Variants in JMJD1C observed in about 807,000 individuals in gnomAD.
The protein encoded by JMJD1C is jumonji domain-containing protein 1C.
A neutral mutation model predicts 245.3 loss-of-function variants in JMJD1C; 31 were observed. The ratio of observed to expected loss-of-function variants is 0.13; its 90% CI spans 0.09 to 0.17. JMJD1C has a LOEUF of 0.17. Among genes scored for constraint, JMJD1C ranks in the 10% least tolerant of loss-of-function variants. The probability of loss-of-function intolerance (pLI) is 1.00; values close to 1 mark genes in which losing one functional copy is unlikely to be tolerated. For missense variants in JMJD1C, 2,691 were observed against 3,000.2 expected (o/e 0.90, Z 2.41); for synonymous variants, 1,057 against 1,017.4 (o/e 1.04, Z -0.74).
At position 63,215,041 on chromosome 10, in the gene JMJD1C, A is replaced by G. The variant is rs766710735; in HGVS notation, c.1126T>C (p.Ser376Pro). 3 of 1,608,078 alleles carry G rather than the reference A, an allele frequency of 1.9e-6. No individual in the cohort carries two copies. Among genetic ancestry groups the G allele is most frequent in the Admixed American group, 3.4e-5 (2 of 59,548 alleles). Residue 376 changes from serine (S) to proline (P), a missense_variant, in exon 8 of 26, where the codon TCT (serine) becomes CCT (proline). Physicochemically the swap from Ser to Pro is moderately conservative, Grantham distance 74. Transcript: ENST00000399262. ...GAATTTTCTGAGTCACTGCTCTCAG[A>G]AAAGTCTGAAACATTGTCAGTTCGA... Reference protein sequence around the residue: ...RLRTDNVSDFSESSDSENSNK... With the variant: ...RLRTDNVSDFPESSDSENSNK...
intron 3 of JMJD1C, among the ~76,000 whole-genome samples, chr10:63,256,267 C>T (rs1224191448): frequency 2.6e-5 from 4 of 152,130 alleles, no homozygotes; most frequent in African/African-American, 7.2e-5. Flanking sequence ...AGTTTCGCAA[C>T]CAATTTTTAC....
At chr10:63,499,284 G>A (rs1417792545) in intron 1 of JMJD1C, among the ~76,000 whole-genome samples, 3 of 152,124 alleles carry the variant, frequency 2.0e-5, no homozygotes, top group African/African-American at 7.2e-5. Flanking sequence ...ATTCTCTGAG[G>A]AACCTTCATA....
chr10:63,450,722 G>A (rs1042633064), intron 1 of JMJD1C, among the ~76,000 whole-genome samples: 1 of 152,056 alleles, frequency 6.6e-6, no homozygotes, highest in Non-Finnish European at 1.5e-5. Flanking sequence ...CATACTCAAT[G>A]GTGAAACACT....
In JMJD1C at chr10:63,256,552, C is replaced by A. The variant is rs1278115308; in HGVS notation, c.447+8099G>T. 2.0e-5 allele frequency among the ~76,000 whole-genome samples: 3 copies of A among 152,258 alleles called. No individual in the cohort carries two copies. The South Asian group carries it at 6.2e-4, about 32-fold the overall frequency. On this transcript the variant is annotated intron_variant, in intron 3 of 25. Coordinates refer to ENST00000399262, the MANE Select transcript of JMJD1C (RefSeq NM_032776.3). Reference sequence around the variant, plus strand: ...CTTTTCTTGTTGTCCATCCTACTATCGAGGCTTCAGCTTAGCTCTACTATT... The same window carrying A: ...CTTTTCTTGTTGTCCATCCTACTATAGAGGCTTCAGCTTAGCTCTACTATT...
chr10:63,427,662 C>G (rs1950520151), intron 1 of JMJD1C: 1 of 1,308,970 alleles, frequency 7.6e-7, no homozygotes, highest in African/African-American at 1.5e-5. Flanking sequence ...ACAACAGTGG[C>G]TGGACCGAAA....
intron 1 of JMJD1C, among the ~76,000 whole-genome samples, chr10:63,499,449 C>T (rs1954471135): frequency 6.6e-6 from 1 of 152,106 alleles, no homozygotes; most frequent in Admixed American, 6.5e-5. Context: ...TTAGTGGATG[C>T]ACTAAAAAGT....
At chr10:63,336,886 C>T (rs1204326911) in intron 2 of JMJD1C, among the ~76,000 whole-genome samples, 1 of 151,772 alleles carries the variant, frequency 6.6e-6, no homozygotes, top group Non-Finnish European at 1.5e-5. Flanking sequence ...CTCTGTTGCC[C>T]CTGGAGTGCA....
At chr10:63,292,686 C>T (rs562142138) in intron 2 of JMJD1C, among the ~76,000 whole-genome samples, 5 of 152,248 alleles carry the variant, frequency 3.3e-5, no homozygotes, top group African/African-American at 9.6e-5. Flanking sequence ...AAATCCACTT[C>T]GTCCATAGTC....
intron 11 of JMJD1C, among the ~76,000 whole-genome samples, chr10:63,198,940 T>A (rs1474524905): frequency 6.6e-6 from 1 of 152,178 alleles, no homozygotes; most frequent in East Asian, 1.9e-4. Flanking sequence ...GTAGTAATTT[T>A]AGGTTATTTC....
chr10:63,432,306 G>C (rs1043706253), intron 1 of JMJD1C, among the ~76,000 whole-genome samples: 2 of 152,162 alleles, frequency 1.3e-5, no homozygotes, highest in African/African-American at 4.8e-5. Flanking sequence ...GTTCACCTTT[G>C]TTTGGGGAGG....
rs181585822 is a variant in JMJD1C, at chr10:63,180,344, T to C, written c.7085-2488A>G. Among the ~76,000 whole-genome samples the C allele has an allele frequency of 2.6e-3, 393 of 152,290 alleles. 2 individuals are homozygous for C. Among genetic ancestry groups the C allele is most frequent in the African/African-American group, 8.9e-3 (369 of 41,562 alleles). The stretch of plus-strand genomic sequence containing the variant: ...TAAGTGTTTACTATGTGCGAGGCAC[T>C]GTCCTAGGAAGTTGGGAATTAGAAT... On this transcript the variant is annotated intron_variant, in intron 22 of 25. Coordinates refer to ENST00000399262, the MANE Select transcript of JMJD1C (RefSeq NM_032776.3).
chr10:63,370,983 T>C (rs1304906502), intron 2 of JMJD1C, among the ~76,000 whole-genome samples: 1 of 152,124 alleles, frequency 6.6e-6, no homozygotes, highest in African/African-American at 2.4e-5. Context: ...TTATAATATA[T>C]ATATTTTCCG....
intron 1 of JMJD1C, among the ~76,000 whole-genome samples, chr10:63,402,417 G>A (rs1948923878): frequency 6.6e-6 from 1 of 152,166 alleles, no homozygotes; most frequent in Admixed American, 6.5e-5. Flanking sequence ...TTGTGACTGT[G>A]TAAATGAGCA....
chr10:63,486,620 C>A (rs12781542), intron 1 of JMJD1C, among the ~76,000 whole-genome samples: 2 of 152,082 alleles, frequency 1.3e-5, no homozygotes, highest in Admixed American at 6.5e-5. Context: ...AAACAACAAA[C>A]CCACCCACTC....
chr10:63,241,018 T>G (rs1427786465), intron 3 of JMJD1C, among the ~76,000 whole-genome samples: 1 of 152,204 alleles, frequency 6.6e-6, no homozygotes, highest in African/African-American at 2.4e-5. Context: ...CCTATGATAC[T>G]CTTATCATTC....
rs10653796 is a variant in JMJD1C, at chr10:63,295,938, CAT to C, written c.334-31176_334-31175del. Among the ~76,000 whole-genome samples, 80 of 115,178 alleles carry C rather than the reference CAT, an allele frequency of 6.9e-4. 6 individuals carry two copies. Among genetic ancestry groups the C allele is most frequent in the Middle Eastern group, 5.1e-3 (1 of 198 alleles). The allele number at this position is 115,178 out of a possible 152,430, so 75.6% of individuals were successfully genotyped here. A position where few individuals can be genotyped will look rare whatever the true frequency, so the allele number is the denominator to read the frequency against. ...ATGTATATACATGTACATGTGTATA[CAT>C]ATATATATATACACGTATATGTGTG... is the stretch of plus-strand genomic sequence containing the variant. On this transcript the variant is annotated intron_variant, in intron 2 of 25. Transcript: ENST00000399262.
intron 10 of JMJD1C, among the ~76,000 whole-genome samples, chr10:63,200,906 G>T (rs895552699): frequency 6.6e-6 from 1 of 152,144 alleles, no homozygotes; most frequent in Non-Finnish European, 1.5e-5. Context: ...TTATGTCAGT[G>T]TACTGAAAAT....
At chr10:63,388,873 G>A (rs1295959399) in intron 1 of JMJD1C, among the ~76,000 whole-genome samples, 1 of 152,114 alleles carries the variant, frequency 6.6e-6, no homozygotes, top group Non-Finnish European at 1.5e-5. Flanking sequence ...ACCAAAAGTG[G>A]GGAGAAGTAG....
chr10:63,291,955 G>A (rs1441053048), intron 2 of JMJD1C, among the ~76,000 whole-genome samples: 1 of 151,768 alleles, frequency 6.6e-6, no homozygotes, highest in Non-Finnish European at 1.5e-5. Context: ...TGTGTTGTAT[G>A]TGTGTGTGTA....
Sources: allele counts gnomAD v4.1 joint callset (sites outside exome capture counted in the v4.1 genomes callset), GRCh38; gene constraint gnomAD v4.1.1; transcripts MANE v1.5; gene names NCBI Gene and HGNC (gene_info 2026-07-23, HGNC 2026-07-21).